CUL3: variants seen among roughly 807,000 people sequenced by gnomAD.
CUL3 encodes cullin 3, also known as cullin-3.
In CUL3, 19 loss-of-function variants were observed where a neutral mutation model predicts 89.1. That is an observed-to-expected ratio of 0.21 (90% CI 0.15 to 0.31). The LOEUF (loss-of-function observed/expected upper bound fraction) is 0.31, where lower values mean the gene tolerates loss of function less well. Among genes scored for constraint, CUL3 ranks in the 10% least tolerant of loss-of-function variants. The pLI, the probability that CUL3 is intolerant of heterozygous loss-of-function variation, is 1.00. For synonymous variants in CUL3, 351 were observed against 308.4 expected (o/e 1.14, Z -1.45); for missense variants, 469 against 942.3 (o/e 0.50, Z 6.58).
intron 2 of CUL3, among the ~76,000 whole-genome samples, chr2:224,548,873 C>A (rs553854719): frequency 6.6e-6 from 1 of 152,088 alleles, no homozygotes; most frequent in South Asian, 2.1e-4. Flanking sequence ...CATGGTGGCA[C>A]GTGCCGGTAG....
chr2:224,486,621 A>G (rs1221159808), intron 13 of CUL3, among the ~76,000 whole-genome samples: 1 of 152,220 alleles, frequency 6.6e-6, no homozygotes, highest in African/African-American at 2.4e-5. Flanking sequence ...GACTATGTGA[A>G]AAGACCAAAC....
Position 224,485,614 on chromosome 2 carries a change from G to A in CUL3, c.1843-3536C>T, listed in dbSNP as rs897773164. Among the ~76,000 whole-genome samples, 2 of 152,194 alleles carry A rather than the reference G, an allele frequency of 1.3e-5. No homozygotes were observed. The highest frequency in any genetic ancestry group is 2.9e-5 in the Non-Finnish European group (2 of 68,030). On this transcript the variant is annotated intron_variant, in intron 13 of 15. Coordinates refer to ENST00000264414, the MANE Select transcript of CUL3 (RefSeq NM_003590.5). The surrounding 1 kb of genome is among the most constrained non-coding windows in gnomAD (Gnocchi z 4.1). The stretch of plus-strand genomic sequence containing the variant: ...AAAGAAAGGCAGCAGCCTGAGTCAC[G>A]GGCTTGTAAATAAAACTCCCATCTC...
In CUL3 at chr2:224,473,094, T is replaced by C. The variant is rs1019569966; in HGVS notation, c.*1151A>G. 2.5e-5 allele frequency: 5 copies of C among 203,508 alleles called. No individual in the cohort carries two copies. Among genetic ancestry groups the C allele is most frequent in the African/African-American group, 9.2e-5 (4 of 43,704 alleles). The allele number at this position is 203,508 out of a possible 1,614,324, so 12.6% of individuals were successfully genotyped here. On this transcript the variant is annotated 3_prime_UTR_variant, in exon 16 of 16. Transcript: ENST00000264414. ...TTGAAAACGTGAAACGATGACTCTT[T>C]GGAGGACAATAGCTAAATATCCAAG... is the stretch of plus-strand genomic sequence containing the variant.
intron 3 of CUL3, among the ~76,000 whole-genome samples, chr2:224,519,737 T>A (rs1207524747): frequency 1.3e-5 from 2 of 152,182 alleles, no homozygotes; most frequent in Non-Finnish European, 2.9e-5. Context: ...TGTGTGCATA[T>A]GTTAAACAGA....
intron 2 of CUL3, among the ~76,000 whole-genome samples, chr2:224,541,900 T>A (rs956245308): frequency 1.3e-5 from 2 of 151,758 alleles, no homozygotes; most frequent in Admixed American, 1.3e-4. Context: ...GAACTAGGGG[T>A]TAAGAGAACT....
At chr2:224,579,765 A>G (rs1046842734) in intron 1 of CUL3, among the ~76,000 whole-genome samples, 2 of 152,216 alleles carry the variant, frequency 1.3e-5, no homozygotes, top group African/African-American at 4.8e-5. Context: ...AGATCTTAAG[A>G]GCCTGATTAC....
chr2:224,510,421 C>T (rs559309512), intron 6 of CUL3, among the ~76,000 whole-genome samples: 40 of 151,902 alleles, frequency 2.6e-4, no homozygotes, highest in Non-Finnish European at 4.7e-4. Context: ...CTCAACTTCC[C>T]ACCAGCTTTC....
chr2:224,566,263 C>T (rs575181156), intron 1 of CUL3, among the ~76,000 whole-genome samples: 72 of 152,124 alleles, frequency 4.7e-4, no homozygotes, highest in Non-Finnish European at 7.8e-4. Context: ...GGAACCAATC[C>T]GGAAAAAGAG....
At chr2:224,543,222 T>A (rs1488101825) in intron 2 of CUL3, among the ~76,000 whole-genome samples, 1 of 152,202 alleles carries the variant, frequency 6.6e-6, no homozygotes, top group African/African-American at 2.4e-5. Context: ...ATTGAGGACT[T>A]CCTTGGTAAA....
intron 1 of CUL3, among the ~76,000 whole-genome samples, chr2:224,583,168 G>C (rs1328376774): frequency 6.6e-6 from 1 of 151,984 alleles, no homozygotes; most frequent in African/African-American, 2.4e-5. Flanking sequence ...ACCTGAGGTC[G>C]GGAGTTCGAG....
At position 224,470,356 on chromosome 2, in the gene CUL3, T is replaced by C. The variant is rs1467065969; in HGVS notation, c.*3889A>G. 1 of 228,688 alleles carries C rather than the reference T, an allele frequency of 4.4e-6. No individual in the cohort carries two copies. Among genetic ancestry groups the C allele is most frequent in the Non-Finnish European group, 8.7e-6 (1 of 115,336 alleles). 14.2% of individuals were successfully genotyped at this position (228,688 alleles called of 1,614,324 possible). A position where few individuals can be genotyped will look rare whatever the true frequency, so the allele number is the denominator to read the frequency against. On this transcript the variant is annotated 3_prime_UTR_variant, in exon 16 of 16. Coordinates refer to ENST00000264414, the MANE Select transcript of CUL3 (RefSeq NM_003590.5). ...TCGAGGTCAACTTAGACCCTAAAACTGAGCATCAAATTACTTAAATGACAC... is the reference window on the plus strand; with the variant it reads ...TCGAGGTCAACTTAGACCCTAAAACCGAGCATCAAATTACTTAAATGACAC...
At chr2:224,544,702 C>T (rs1694238374) in intron 2 of CUL3, among the ~76,000 whole-genome samples, 1 of 150,212 alleles carries the variant, frequency 6.7e-6, no homozygotes, top group Non-Finnish European at 1.5e-5. Context: ...ATTTTTCCAC[C>T]TTATCATACC....
Position 224,506,838 on chromosome 2 carries a change from A to C in CUL3, c.1029+20T>G. On this transcript the variant is annotated intron_variant, in intron 7 of 15. Transcript: ENST00000264414. ...AAATGCCTTTATCATAAACACAGAG[A>C]ATCTTCTGGGTTTACTTACCTGGAT... is the stretch of plus-strand genomic sequence containing the variant. 1 of 1,608,972 alleles carries C rather than the reference A, an allele frequency of 6.2e-7. No individual in the cohort carries two copies. The highest frequency in any genetic ancestry group is 8.5e-7 in the Non-Finnish European group (1 of 1,177,710).
At chr2:224,525,315 T>C (rs1693430554) in intron 3 of CUL3, among the ~76,000 whole-genome samples, 1 of 152,176 alleles carries the variant, frequency 6.6e-6, no homozygotes, top group Non-Finnish European at 1.5e-5. Flanking sequence ...CACTGCAAAT[T>C]CAAAGGCTTA....
rs1691687221 is a variant in CUL3 at position 224,485,604 on chromosome 2, C to T, written c.1843-3526G>A. 6.6e-6 allele frequency among the ~76,000 whole-genome samples: 1 copy of T among 152,196 alleles called. No homozygotes were observed. Among genetic ancestry groups the T allele is most frequent in the East Asian group, 1.9e-4 (1 of 5,198 alleles). ...GGCATCTCGGAAAGAAAGGCAGCAG[C>T]CTGAGTCACGGGCTTGTAAATAAAA... is the stretch of plus-strand genomic sequence containing the variant. On this transcript the variant is annotated intron_variant, in intron 13 of 15. Coordinates refer to ENST00000264414, the MANE Select transcript of CUL3 (RefSeq NM_003590.5). The surrounding 1 kb of genome is among the most constrained non-coding windows in gnomAD (Gnocchi z 4.1).
intron 3 of CUL3, among the ~76,000 whole-genome samples, chr2:224,516,032 C>A (rs1406792899): frequency 6.6e-6 from 1 of 152,096 alleles, no homozygotes; most frequent in African/African-American, 2.4e-5. Flanking sequence ...GTTCTTGCTT[C>A]ATATGACATC....
At chr2:224,498,247 C>T (rs183031862) in intron 11 of CUL3, among the ~76,000 whole-genome samples, 2 of 152,240 alleles carry the variant, frequency 1.3e-5, no homozygotes, top group Non-Finnish European at 2.9e-5. Context: ...ATACTCAATG[C>T]ACATTTATAA....
intron 5 of CUL3, among the ~76,000 whole-genome samples, chr2:224,512,256 C>T (rs907369157): frequency 7.9e-5 from 12 of 152,064 alleles, no homozygotes; most frequent in Admixed American, 4.6e-4. Context: ...CCACCACGCC[C>T]GGCTAATTTT....
chr2:224,510,799 A>T (rs1183619296), intron 6 of CUL3, among the ~76,000 whole-genome samples: 2 of 152,190 alleles, frequency 1.3e-5, no homozygotes, highest in East Asian at 3.8e-4. Flanking sequence ...AATGTTCTTT[A>T]CTTTTATGCA....
Sources: allele counts gnomAD v4.1 joint callset (sites outside exome capture counted in the v4.1 genomes callset), GRCh38; gene constraint gnomAD v4.1.1; non-coding constraint Gnocchi (gnomAD v3.1); transcripts MANE v1.5; gene names NCBI Gene and HGNC (gene_info 2026-07-23, HGNC 2026-07-21).